TLL1: variants seen among roughly 807,000 people sequenced by gnomAD.
TLL1 encodes tolloid-like protein 1.
TLL1 carries 49 observed loss-of-function variants against 128.2 expected under a neutral mutation model. The observed-to-expected ratio is 0.38, with a 90% confidence interval of 0.30 to 0.48. The LOEUF (loss-of-function observed/expected upper bound fraction) is 0.48, where lower values mean the gene tolerates loss of function less well. Among genes scored for constraint, TLL1 ranks in the 20% least tolerant of loss-of-function variants. TLL1 has a pLI of 0.96. For missense variants in TLL1, 1,123 were observed against 1,242.0 expected (o/e 0.90, Z 1.44); for synonymous variants, 454 against 418.8 (o/e 1.08, Z -1.03).
intron 1 of TLL1, among the ~76,000 whole-genome samples, chr4:165,924,829 C>A (rs1733196149): frequency 6.6e-6 from 1 of 152,116 alleles, no homozygotes; most frequent in Admixed American, 6.5e-5. Flanking sequence ...CAGCTAATGA[C>A]TTTAAGTTAA....
intron 1 of TLL1, among the ~76,000 whole-genome samples, chr4:165,896,028 C>T (rs897116024): frequency 1.3e-5 from 2 of 152,110 alleles, no homozygotes; most frequent in Admixed American, 1.3e-4. Flanking sequence ...TGGTTTGCTG[C>T]ACCCATCAAC....
At chr4:165,994,121 C>A (rs1736758688) in intron 3 of TLL1, among the ~76,000 whole-genome samples, 1 of 152,086 alleles carries the variant, frequency 6.6e-6, no homozygotes, top group Non-Finnish European at 1.5e-5. Flanking sequence ...CTTCTATCCA[C>A]TTTAGGCTGT....
At position 166,054,926 on chromosome 4, in the gene TLL1, C is replaced by T. The variant is rs150757596; in HGVS notation, c.1525-150C>T. ...CTTTGTTCATGGATATTACAGTGTA[C>T]GTTCATGAGAAACATTCAAGTACAC... On this transcript the variant is annotated intron_variant, in intron 12 of 20. Transcript: ENST00000061240. 182 of 628,326 alleles carry T rather than the reference C, an allele frequency of 2.9e-4. 1 individual carries two copies. Among genetic ancestry groups the T allele is most frequent in the African/African-American group, 2.6e-3 (141 of 54,390 alleles). 38.9% of individuals were successfully genotyped at this position (628,326 alleles called of 1,614,324 possible). A position where few individuals can be genotyped will look rare whatever the true frequency, so the allele number is the denominator to read the frequency against.
intron 16 of TLL1, among the ~76,000 whole-genome samples, chr4:166,069,416 C>T (rs1740711855): frequency 6.6e-6 from 1 of 151,212 alleles, no homozygotes; most frequent in African/African-American, 2.4e-5. Context: ...TCAAGGAACT[C>T]AATAATAGTA....
chr4:166,086,007 G>A (rs1741496367), intron 18 of TLL1, among the ~76,000 whole-genome samples: 1 of 152,058 alleles, frequency 6.6e-6, no homozygotes, highest in African/African-American at 2.4e-5. Flanking sequence ...CTGTGTCTGA[G>A]ATAACAATTA....
intron 1 of TLL1, among the ~76,000 whole-genome samples, chr4:165,923,469 C>T (rs1733136597): frequency 9.8e-6 from 1 of 102,240 alleles, no homozygotes; most frequent in Admixed American, 1.4e-4. Context: ...TGCTCTGTCG[C>T]CCAGGCTGAA....
chr4:165,927,086 A>G (rs1427374125), intron 1 of TLL1, among the ~76,000 whole-genome samples: 1 of 152,244 alleles, frequency 6.6e-6, no homozygotes. Context: ...ACTATGAAGC[A>G]ACTTTAAGGG....
intron 13 of TLL1, among the ~76,000 whole-genome samples, chr4:166,055,534 A>C (rs1739965145): frequency 6.6e-6 from 1 of 152,210 alleles, no homozygotes; most frequent in Non-Finnish European, 1.5e-5. Flanking sequence ...AAAAGGATAT[A>C]CAGACAGAAA....
At chr4:165,930,281 A>G (rs960986588) in intron 1 of TLL1, among the ~76,000 whole-genome samples, 5 of 152,234 alleles carry the variant, frequency 3.3e-5, no homozygotes, top group African/African-American at 1.2e-4. Flanking sequence ...GTATGTGTAT[A>G]GACCTTTGGC....
intron 1 of TLL1, among the ~76,000 whole-genome samples, chr4:165,929,435 A>T (rs1286494256): frequency 1.3e-5 from 2 of 151,836 alleles, no homozygotes; most frequent in Non-Finnish European, 2.9e-5. Context: ...GCTACTCAAG[A>T]GGCTGAGGCA....
In TLL1 at chr4:165,989,353, C is replaced by T. The variant is rs769804518; in HGVS notation, c.170-28C>T. 1.5e-5 allele frequency: 22 copies of T among 1,503,702 alleles called. No individual in the cohort carries two copies. The South Asian group carries it at 2.4e-4, about 16-fold the overall frequency. 93.1% of individuals were successfully genotyped at this position (1,503,702 alleles called of 1,614,324 possible). On this transcript the variant is annotated intron_variant, in intron 1 of 20. Coordinates refer to ENST00000061240, the MANE Select transcript of TLL1 (RefSeq NM_012464.5). ...GTATTGATTTCACGGAAATATTTTACATTTTAATTCAACTTTTCTTTTTTT... is the reference window on the plus strand; with the variant it reads ...GTATTGATTTCACGGAAATATTTTATATTTTAATTCAACTTTTCTTTTTTT...
intron 12 of TLL1, among the ~76,000 whole-genome samples, chr4:166,050,769 A>G (rs1393995896): frequency 6.6e-6 from 1 of 152,180 alleles, no homozygotes; most frequent in African/African-American, 2.4e-5. Context: ...CAGGTTTAGA[A>G]TGAGAGGTTG....
At chr4:165,960,198 G>C (rs887054808) in intron 1 of TLL1, among the ~76,000 whole-genome samples, 3 of 151,954 alleles carry the variant, frequency 2.0e-5, no homozygotes, top group African/African-American at 7.2e-5. Context: ...AGACTATTAT[G>C]AAACTCCTAT....
At chr4:165,874,225 C>A in intron 1 of TLL1, 152 bp downstream of exon 1, 3 of 966,396 alleles carry the variant, frequency 3.1e-6, no homozygotes, top group Non-Finnish European at 4.7e-6. Context: ...CCTTCCCTTC[C>A]CCACCCGCAA....
At chr4:166,045,364 C>T (rs76851975) in intron 12 of TLL1, among the ~76,000 whole-genome samples, 1,876 of 152,152 alleles carry the variant, frequency 0.012, 41 homozygotes, top group African/African-American at 0.042. Context: ...TTTTTGTCAC[C>T]GCTTACCCAA....
intron 1 of TLL1, among the ~76,000 whole-genome samples, chr4:165,944,841 G>T (rs755467984): frequency 2.6e-5 from 4 of 152,096 alleles, no homozygotes; most frequent in Non-Finnish European, 4.4e-5. Context: ...TAGATCAAAA[G>T]ATTTTAGATA....
In TLL1 at chr4:165,908,826, T is replaced by C. The variant is rs1306644177; in HGVS notation, c.169+34753T>C. On this transcript the variant is annotated intron_variant, in intron 1 of 20. Coordinates refer to ENST00000061240, the MANE Select transcript of TLL1 (RefSeq NM_012464.5). ...GTTGTGGCACAGGCCAAAGTGTTAG[T>C]TATGGAGGGAAGTATATGGATTCTG... Among the ~76,000 whole-genome samples, 3 of 152,074 alleles carry C rather than the reference T, an allele frequency of 2.0e-5. No individual in the cohort carries two copies. In the East Asian group the frequency reaches 5.8e-4, roughly 30 times the overall value.
intron 14 of TLL1, among the ~76,000 whole-genome samples, chr4:166,057,993 A>G (rs1740110836): frequency 6.6e-6 from 1 of 152,200 alleles, no homozygotes; most frequent in Non-Finnish European, 1.5e-5. Context: ...AGATTCATCT[A>G]TATATAAATC....
At chr4:165,934,007 C>CT in intron 1 of TLL1, among the ~76,000 whole-genome samples, 2 of 151,694 alleles carry the variant, frequency 1.3e-5, no homozygotes, top group Middle Eastern at 3.4e-3. Context: ...TCCTCTCTTT[C>CT]TTTTTTTTGA....
Sources: allele counts gnomAD v4.1 joint callset (sites outside exome capture counted in the v4.1 genomes callset), GRCh38; gene constraint gnomAD v4.1.1; transcripts MANE v1.5; gene names NCBI Gene and HGNC (gene_info 2026-07-23, HGNC 2026-07-21).